Variants in AHCYL2 observed in about 807,000 individuals in gnomAD.
AHCYL2 encodes adenosylhomocysteinase like 2.
AHCYL2 carries 28 observed loss-of-function variants against 81.4 expected under a neutral mutation model. The observed-to-expected ratio is 0.34, with a 90% CI of 0.25 to 0.47. AHCYL2 has a LOEUF of 0.47. Ranked by LOEUF, AHCYL2 falls within the 20% of genes least tolerant of loss-of-function variation. AHCYL2 has a pLI of 1.00. For missense variants in AHCYL2, 551 were observed against 785.1 expected (o/e 0.70, Z 3.56); for synonymous variants, 272 against 290.2 (o/e 0.94, Z 0.64).
At chr7:129,409,915 C>CA (rs1796486690) in intron 11 of AHCYL2, among the ~76,000 whole-genome samples, 1 of 150,224 alleles carries the variant, frequency 6.7e-6, no homozygotes, top group Non-Finnish European at 1.5e-5. Context: ...TTTATAGAGT[C>CA]AAATTTTCAA....
intron 1 of AHCYL2, among the ~76,000 whole-genome samples, chr7:129,330,468 A>T (rs889799051): frequency 1.6e-4 from 24 of 151,270 alleles, no homozygotes; most frequent in African/African-American, 5.8e-4. Flanking sequence ...ATACTCTGGT[A>T]CATTTTTTTT....
At position 129,406,562 on chromosome 7, in the gene AHCYL2, CCTCAGAGATG is replaced by C; in HGVS notation, c.1295+99_1295+108del. ...CACTTTATTTTAGAGGAGCCCAGAT[CCTCAGAGATG>C]CTGCCACTAACTCTAAGCATCTGTC... is the stretch of plus-strand genomic sequence containing the variant. On this transcript the variant is annotated intron_variant, in intron 10 of 16. Coordinates refer to ENST00000325006, the MANE Select transcript of AHCYL2 (RefSeq NM_015328.4). The surrounding 1 kb of genome is among the most constrained non-coding windows in gnomAD (Gnocchi z 4.3). The C allele has an allele frequency of 2.6e-6, 3 of 1,160,146 alleles. No homozygotes were observed. Among genetic ancestry groups the C allele is most frequent in the Non-Finnish European group, 3.9e-6 (3 of 773,108 alleles). 71.9% of individuals were successfully genotyped at this position (1,160,146 alleles called of 1,614,324 possible). A position where few individuals can be genotyped will look rare whatever the true frequency, so the allele number is the denominator to read the frequency against.
chr7:129,275,799 T>C (rs1359589824), intron 1 of AHCYL2, among the ~76,000 whole-genome samples: 2 of 151,894 alleles, frequency 1.3e-5, no homozygotes, highest in African/African-American at 2.4e-5. Context: ...AATGGAAAAA[T>C]TTAACATGTC....
In AHCYL2 at chr7:129,429,970, T is replaced by C. The variant is rs1161342939; in HGVS notation, c.*2925T>C. On this transcript the variant is annotated 3_prime_UTR_variant, in exon 17 of 17. Transcript: ENST00000325006. ...ATAAAGGAAAATTACGGAAGGAAAA[T>C]AGGCAACACCAGCAAATTATATGTG... 1 of 151,858 alleles carries C rather than the reference T, an allele frequency of 6.6e-6. No homozygotes were observed. Among genetic ancestry groups the C allele is most frequent in the African/African-American group, 2.4e-5 (1 of 41,254 alleles). 9.4% of individuals were successfully genotyped at this position (151,858 alleles called of 1,614,324 possible).
At chr7:129,385,557 A>G (rs1011156006) in intron 2 of AHCYL2, among the ~76,000 whole-genome samples, 13 of 152,232 alleles carry the variant, frequency 8.5e-5, no homozygotes, top group African/African-American at 2.9e-4. Flanking sequence ...GTAAAGTTAT[A>G]TTGTACTTCA....
chr7:129,427,979 G>GAAATGGGGTTACTGCTCCCAGT lies in AHCYL2; in HGVS notation c.*934_*935insAAATGGGGTTACTGCTCCCAGT. ...CTACGTCTGAAACTGAGTAGGGAAA[G>GAAATGGGGTTACTGCTCCCAGT]GCATACTTTTCCAGGGACTTAGGGG... On this transcript the variant is annotated 3_prime_UTR_variant, in exon 17 of 17. Coordinates refer to ENST00000325006, the MANE Select transcript of AHCYL2 (RefSeq NM_015328.4). This position sits in a 1 kb window ranked among gnomAD's most constrained non-coding sequence, Gnocchi z 5.5. The GAAATGGGGTTACTGCTCCCAGT allele has an allele frequency of 6.6e-6, 1 of 152,506 alleles. No homozygotes were observed. 9.4% of individuals were successfully genotyped at this position (152,506 alleles called of 1,614,324 possible).
chr7:129,360,411 C>G, intron 1 of AHCYL2, among the ~76,000 whole-genome samples: 1 of 152,200 alleles, frequency 6.6e-6, no homozygotes, highest in Non-Finnish European at 1.5e-5. Context: ...CCACCACGCC[C>G]GGCCACTATT....
chr7:129,401,790 C>G (rs1190213380), intron 6 of AHCYL2, among the ~76,000 whole-genome samples: 1 of 152,084 alleles, frequency 6.6e-6, no homozygotes, highest in African/African-American at 2.4e-5. Flanking sequence ...TAGGATTATA[C>G]CTGGAGAACT....
At chr7:129,354,302 G>C (rs1793665387) in intron 1 of AHCYL2, among the ~76,000 whole-genome samples, 1 of 152,156 alleles carries the variant, frequency 6.6e-6, no homozygotes, top group Non-Finnish European at 1.5e-5. Flanking sequence ...TTATAGGTTT[G>C]AGTATTGAGA....
At chr7:129,279,341 G>A (rs974872780) in intron 1 of AHCYL2, among the ~76,000 whole-genome samples, 3 of 151,908 alleles carry the variant, frequency 2.0e-5, no homozygotes, top group African/African-American at 7.3e-5. Context: ...ATAGAGATGA[G>A]GTTCGCCATG....
At chr7:129,360,058 T>C (rs1793877582) in intron 1 of AHCYL2, among the ~76,000 whole-genome samples, 1 of 152,166 alleles carries the variant, frequency 6.6e-6, no homozygotes, top group Non-Finnish European at 1.5e-5. Flanking sequence ...AGCTACCTGT[T>C]CTATATTTAA....
At position 129,303,363 on chromosome 7, in the gene AHCYL2, G is replaced by A. The variant is rs557802566; in HGVS notation, c.364-76275G>A. On this transcript the variant is annotated intron_variant, in intron 1 of 16. Coordinates refer to ENST00000325006, the MANE Select transcript of AHCYL2 (RefSeq NM_015328.4). ...TGTTATTGATCTGTTTAGGTTTTAGGTTTCTTCATGATTCAATTTTGGGAG... is the reference window on the plus strand; with the variant it reads ...TGTTATTGATCTGTTTAGGTTTTAGATTTCTTCATGATTCAATTTTGGGAG... 2.6e-5 allele frequency among the ~76,000 whole-genome samples: 4 copies of A among 152,034 alleles called. No individual in the cohort carries two copies. In the South Asian group the frequency reaches 6.2e-4, roughly 24 times the overall value.
chr7:129,278,903 T>C (rs930268051), intron 1 of AHCYL2, among the ~76,000 whole-genome samples: 6 of 152,160 alleles, frequency 3.9e-5, no homozygotes. Flanking sequence ...TTTTGGACTT[T>C]CTTCTGTTCC....
intron 1 of AHCYL2, among the ~76,000 whole-genome samples, chr7:129,367,503 T>G (rs1794166811): frequency 1.3e-5 from 2 of 152,296 alleles, no homozygotes; most frequent in East Asian, 3.9e-4. Flanking sequence ...CAGAAACAAC[T>G]TCGGAGGTCC....
At chr7:129,409,208 C>T (rs1796449037) in intron 10 of AHCYL2, among the ~76,000 whole-genome samples, 1 of 152,142 alleles carries the variant, frequency 6.6e-6, no homozygotes, top group Admixed American at 6.5e-5. Flanking sequence ...GGCTAAGTGG[C>T]ACTTTCTACA....
At chr7:129,356,035 A>C (rs1252829059) in intron 1 of AHCYL2, among the ~76,000 whole-genome samples, 1 of 152,196 alleles carries the variant, frequency 6.6e-6, no homozygotes, top group Non-Finnish European at 1.5e-5. Context: ...GTTATGTTGA[A>C]AATGGCTACT....
chr7:129,405,847 C>T lies in AHCYL2; in HGVS notation c.1154C>T (p.Thr385Ile). The T allele has an allele frequency of 6.2e-7, 1 of 1,612,364 alleles. No homozygotes were observed. Among genetic ancestry groups the T allele is most frequent in the Non-Finnish European group, 8.5e-7 (1 of 1,179,170 alleles). Reference protein sequence around the residue: ...RESILDGLKRTTDMMFGGKQV... With the variant: ...RESILDGLKRITDMMFGGKQV... ...TTTTTTTCCCCTAGACTTAAAAGGACAACAGACATGATGTTTGGTGGAAAG... is the reference window on the plus strand; with the variant it reads ...TTTTTTTCCCCTAGACTTAAAAGGATAACAGACATGATGTTTGGTGGAAAG... Residue 385 changes from threonine (T) to isoleucine (I), a missense_variant, in exon 9 of 17, where the codon ACA becomes ATA. By Grantham distance (89) the Thr-to-Ile change is moderately conservative (BLOSUM62 -1). Transcript: ENST00000325006.
At chr7:129,355,761 C>T (rs80162726) in intron 1 of AHCYL2, among the ~76,000 whole-genome samples, 3,508 of 152,232 alleles carry the variant, frequency 0.023, 70 homozygotes, top group Admixed American at 0.056. Context: ...ATTTTTGCTT[C>T]TTAAGTAGAC....
At chr7:129,359,046 T>C (rs1793842628) in intron 1 of AHCYL2, among the ~76,000 whole-genome samples, 1 of 152,092 alleles carries the variant, frequency 6.6e-6, no homozygotes, top group Non-Finnish European at 1.5e-5. Flanking sequence ...CCGAAAGACA[T>C]ACAAGAATGT....
Sources: gnomAD v4.1 joint callset for allele counts (sites outside exome capture counted in the v4.1 genomes callset) on GRCh38, gnomAD v4.1.1 for gene constraint, Gnocchi (gnomAD v3.1) non-coding constraint, MANE v1.5 for transcripts, NCBI Gene and HGNC (gene_info 2026-07-23, HGNC 2026-07-21) for gene names.